Variants in CSMD1 observed in about 807,000 individuals in gnomAD.
CSMD1 encodes the protein CUB and Sushi multiple domains 1.
Under a neutral mutation model 417.5 loss-of-function variants are expected in CSMD1, and 213 were observed. The observed-to-expected ratio is 0.51, with a 90% CI of 0.46 to 0.57. The LOEUF is 0.57. Ranked by LOEUF, CSMD1 falls within the 20% of genes least tolerant of loss-of-function variation. The probability of loss-of-function intolerance (pLI) is 0.00; values close to 1 mark genes in which losing one functional copy is unlikely to be tolerated. For synonymous variants in CSMD1, 2,862 were observed against 1,736.8 expected, an observed-to-expected ratio of 1.65 and a Z score of -16.11; for missense variants, 6,923 against 4,529.7, an observed-to-expected ratio of 1.53 and a Z score of -15.17.
intron 23 of CSMD1, among the ~76,000 whole-genome samples, chr8:3,340,631 T>G (rs1168489412): frequency 2.0e-5 from 3 of 152,248 alleles, no homozygotes; most frequent in Non-Finnish European, 4.4e-5. Context: ...GAGACATCTT[T>G]TTGGAATAAA....
At chr8:4,332,303 CTCTT>C (rs1315001763) in intron 3 of CSMD1, among the ~76,000 whole-genome samples, 3 of 152,118 alleles carry the variant, frequency 2.0e-5, no homozygotes, top group African/African-American at 7.2e-5. Context: ...CTTGGAGATG[CTCTT>C]TCAGTCCTTT....
intron 3 of CSMD1, among the ~76,000 whole-genome samples, chr8:4,118,543 A>G (rs1802293533): frequency 6.6e-6 from 1 of 152,224 alleles, no homozygotes; most frequent in South Asian, 2.1e-4. Context: ...AAAATGGGAT[A>G]CCATCTCACG....
In CSMD1 at chr8:4,335,694, A is replaced by C. The variant is rs988708375; in HGVS notation, c.415+84259T>G. Among the ~76,000 whole-genome samples, 4 of 152,268 alleles carry C rather than the reference A, an allele frequency of 2.6e-5. 1 individual carries two copies. The highest frequency in any genetic ancestry group is 6.5e-5 in the Admixed American group (1 of 15,282). On this transcript the variant is annotated intron_variant, in intron 3 of 69. Coordinates refer to ENST00000635120, the MANE Select transcript of CSMD1 (RefSeq NM_033225.6). Reference sequence around the variant, plus strand: ...AGTATATTGTGCAAAATTGTTACAGAATATAGTGTTTCTCAAAAATAACAA... The same window carrying C: ...AGTATATTGTGCAAAATTGTTACAGCATATAGTGTTTCTCAAAAATAACAA...
At chr8:4,618,452 A>T (rs887678182) in intron 2 of CSMD1, among the ~76,000 whole-genome samples, 2 of 152,130 alleles carry the variant, frequency 1.3e-5, no homozygotes, top group South Asian at 2.1e-4. Flanking sequence ...GCTGTTAGGG[A>T]CCTAAGGCCT....
chr8:3,761,500 AT>A (rs57655479), intron 5 of CSMD1, among the ~76,000 whole-genome samples: 20,315 of 93,082 alleles, frequency 0.22, 705 homozygotes, highest in East Asian at 0.31. Flanking sequence ...CAAAACGACC[AT>A]TTTTTTTTTT....
Position 4,005,657 on chromosome 8 carries a change from A to G in CSMD1, c.611-7547T>C, listed in dbSNP as rs545436994. Among the ~76,000 whole-genome samples, 286 of 152,346 alleles carry G rather than the reference A, an allele frequency of 1.9e-3. 2 individuals are homozygous for G. Among genetic ancestry groups the G allele is most frequent in the African/African-American group, 6.8e-3 (281 of 41,586 alleles). On this transcript the variant is annotated intron_variant, in intron 4 of 69. Transcript: ENST00000635120. Reference sequence around the variant, plus strand: ...ACATAGGGTGTCTCCCATGGATACTATATTTGGTGCTTTCTTCCCACTTCA... The same window carrying G: ...ACATAGGGTGTCTCCCATGGATACTGTATTTGGTGCTTTCTTCCCACTTCA...
At chr8:3,393,955 T>C (rs1337534629) in intron 17 of CSMD1, among the ~76,000 whole-genome samples, 2 of 138,128 alleles carry the variant, frequency 1.4e-5, no homozygotes, top group East Asian at 2.1e-4. Context: ...AACCTGCACG[T>C]TGTGCACATG....
intron 3 of CSMD1, among the ~76,000 whole-genome samples, chr8:4,191,072 C>T (rs1045521030): frequency 6.7e-6 from 1 of 148,906 alleles, no homozygotes; most frequent in African/African-American, 2.6e-5. Context: ...AACTAAGATA[C>T]ACATGGATTA....
At chr8:4,368,737 C>G (rs1031734814) in intron 3 of CSMD1, among the ~76,000 whole-genome samples, 3 of 152,020 alleles carry the variant, frequency 2.0e-5, no homozygotes, top group African/African-American at 4.8e-5. Context: ...CCTAGGTTTT[C>G]TAGTTTGTGT....
At chr8:4,109,220 T>G (rs562498828) in intron 3 of CSMD1, among the ~76,000 whole-genome samples, 3 of 152,206 alleles carry the variant, frequency 2.0e-5, no homozygotes, top group Non-Finnish European at 2.9e-5. Context: ...ATTTTCGGTA[T>G]AGACACAACC....
intron 2 of CSMD1, among the ~76,000 whole-genome samples, chr8:4,440,169 T>C (rs995899155): frequency 6.6e-6 from 1 of 152,208 alleles, no homozygotes; most frequent in Non-Finnish European, 1.5e-5. Flanking sequence ...CGTTTCTTTC[T>C]AGATTAATAA....
At position 4,462,714 on chromosome 8, in the gene CSMD1, A is replaced by G. The variant is rs184451405; in HGVS notation, c.303-42649T>C. Among the ~76,000 whole-genome samples, 215 of 152,288 alleles carry G rather than the reference A, an allele frequency of 1.4e-3. 1 individual carries two copies. Among genetic ancestry groups the G allele is most frequent in the Non-Finnish European group, 1.9e-3 (127 of 68,032 alleles). ...TTACCCGTCAATTTGATTTTTGACA[A>G]GATGCCAAAACAATCAAGAAAAAAA... On this transcript the variant is annotated intron_variant, in intron 2 of 69. Transcript: ENST00000635120.
intron 38 of CSMD1, among the ~76,000 whole-genome samples, chr8:3,159,418 T>C (rs978087095): frequency 1.3e-5 from 2 of 152,230 alleles, no homozygotes; most frequent in African/African-American, 2.4e-5. Flanking sequence ...ATGGAAGTCA[T>C]ACATCATTCC....
chr8:4,155,285 G>T (rs1041508208), intron 3 of CSMD1, among the ~76,000 whole-genome samples: 3 of 152,142 alleles, frequency 2.0e-5, no homozygotes, highest in Admixed American at 1.3e-4. Flanking sequence ...TGAATTAGGG[G>T]GTGGAGCAGC....
intron 25 of CSMD1, among the ~76,000 whole-genome samples, chr8:3,304,060 G>A (rs1234019152): frequency 6.6e-6 from 1 of 151,956 alleles, no homozygotes; most frequent in Non-Finnish European, 1.5e-5. Flanking sequence ...TGCAATAATT[G>A]GCCTAAAGTA....
At chr8:4,755,720 C>T (rs555304390) in intron 1 of CSMD1, among the ~76,000 whole-genome samples, 43 of 152,208 alleles carry the variant, frequency 2.8e-4, no homozygotes, top group African/African-American at 1.0e-3. Flanking sequence ...ATCTTGCTTC[C>T]GTTTTCTGTA....
At chr8:3,901,587 G>C (rs62480080) in intron 5 of CSMD1, among the ~76,000 whole-genome samples, 1 of 152,164 alleles carries the variant, frequency 6.6e-6, no homozygotes, top group Admixed American at 6.5e-5. Context: ...GGAGAGCCTT[G>C]GGGCTCAGAT....
intron 39 of CSMD1, 48 bp downstream of exon 39, chr8:3,157,849 C>G: frequency 6.9e-7 from 1 of 1,451,688 alleles, no homozygotes; most frequent in Non-Finnish European, 9.5e-7. Flanking sequence ...CAGGCATGTT[C>G]TTCCCAGTGT....
intron 2 of CSMD1, among the ~76,000 whole-genome samples, chr8:4,599,217 C>T (rs920721086): frequency 9.9e-5 from 15 of 152,102 alleles, no homozygotes; most frequent in Non-Finnish European, 5.9e-5. Context: ...CACAATGATT[C>T]AGATAGGACA....
Sources: gnomAD v4.1 joint callset for allele counts (sites outside exome capture counted in the v4.1 genomes callset) on GRCh38, gnomAD v4.1.1 for gene constraint, MANE v1.5 for transcripts, NCBI Gene and HGNC (gene_info 2026-07-23, HGNC 2026-07-21) for gene names.